Variants in CRMP1 observed in about 807,000 individuals in gnomAD.
The protein encoded by CRMP1 is dihydropyrimidinase-related protein 1.
CRMP1 carries 19 observed loss-of-function variants against 68.3 expected under a neutral mutation model. The ratio of observed to expected loss-of-function variants is 0.28; its 90% confidence interval spans 0.19 to 0.41. CRMP1 has a LOEUF of 0.41. Ranked by LOEUF, CRMP1 falls within the 10% of genes least tolerant of loss-of-function variation. CRMP1 has a pLI of 1.00. For synonymous variants in CRMP1, 439 were observed against 399.6 expected (o/e 1.10, Z -1.18); for missense variants, 791 against 967.4 (o/e 0.82, Z 2.42).
At chr4:5,836,650 C>T in intron 10 of CRMP1, 115 bp downstream of exon 10, 8 of 1,496,382 alleles carry the variant, frequency 5.3e-6, no homozygotes, top group Non-Finnish European at 7.4e-6. Flanking sequence ...AGTATATCTG[C>T]TTCCGCCTCC....
chr4:5,889,617 A>T lies in CRMP1; in HGVS notation c.381+2972T>A. On this transcript the variant is annotated intron_variant, in intron 1 of 13. Transcript: ENST00000324989. The surrounding 1 kb of genome is among the most constrained non-coding windows in gnomAD (Gnocchi z 4.5). The stretch of plus-strand genomic sequence containing the variant: ...GCCCCAAGTTCCCAGGCAGAATAAA[A>T]CACCAACCTTGTCCACCACTTCGTT... The T allele has an allele frequency of 6.5e-7, 1 of 1,536,170 alleles. No homozygotes were observed. Among genetic ancestry groups the T allele is most frequent in the Non-Finnish European group, 8.7e-7 (1 of 1,146,920 alleles).
At chr4:5,862,810 T>C (rs918720088) in intron 2 of CRMP1, among the ~76,000 whole-genome samples, 1 of 152,000 alleles carries the variant, frequency 6.6e-6, no homozygotes, top group African/African-American at 2.4e-5. Flanking sequence ...TAATGAGAGG[T>C]TCTTTTAATT....
intron 3 of CRMP1, among the ~76,000 whole-genome samples, chr4:5,856,921 CCACCACCAT>C (rs1407092168): frequency 6.6e-6 from 1 of 151,138 alleles, no homozygotes; most frequent in African/African-American, 2.5e-5. Flanking sequence ...ATCACCACCA[CCACCACCAT>C]CACCACCATC....
chr4:5,841,276 T>C lies in CRMP1; in HGVS notation c.1153+32A>G, dbSNP rs1711706391. On this transcript the variant is annotated intron_variant, in intron 8 of 13. Transcript: ENST00000324989. The surrounding 1 kb of genome is among the most constrained non-coding windows in gnomAD (Gnocchi z 6.9). The stretch of plus-strand genomic sequence containing the variant: ...AGGACACCCCCTTCCAGGCCCCAGC[T>C]GCCCCCAGAAGGCCCAGGGCCGGCT... 1.9e-6 allele frequency: 3 copies of C among 1,613,602 alleles called. No homozygotes were observed. Among genetic ancestry groups the C allele is most frequent in the Non-Finnish European group, 2.5e-6 (3 of 1,179,958 alleles).
At position 5,838,293 on chromosome 4, in the gene CRMP1, G is replaced by C. The variant is rs771410007; in HGVS notation, c.1310+1229C>G. 2.0e-5 allele frequency among the ~76,000 whole-genome samples: 3 copies of C among 152,168 alleles called. No individual in the cohort carries two copies. The highest frequency in any genetic ancestry group is 4.4e-5 in the Non-Finnish European group (3 of 68,028). ...AGGGCAGAGGAGGCCCAGGGAGGGA[G>C]GTTGGTCAGGGCGTGTGCACCGGAT... On this transcript the variant is annotated intron_variant, in intron 9 of 13. Transcript: ENST00000324989. The surrounding 1 kb of genome is among the most constrained non-coding windows in gnomAD (Gnocchi z 4.9).
chr4:5,864,430 C>G (rs980451958), intron 2 of CRMP1, among the ~76,000 whole-genome samples: 1 of 152,228 alleles, frequency 6.6e-6, no homozygotes, highest in Admixed American at 6.5e-5. Flanking sequence ...CCCTTCCCCA[C>G]CCCCAATCTG....
rs755550555 is a variant in CRMP1, at chr4:5,821,743, C to T, written c.*17G>A. On this transcript the variant is annotated 3_prime_UTR_variant, in exon 14 of 14. Coordinates refer to ENST00000324989, the MANE Select transcript of CRMP1 (RefSeq NM_001014809.3). This position sits in a 1 kb window ranked among gnomAD's most constrained non-coding sequence, Gnocchi z 4.4. ...ATTCCCAGAATCCTTCAGGCTAGCT[C>T]CTCCGCGCATCCACGTTCAACCGAG... 3.1e-6 allele frequency: 5 copies of T among 1,596,598 alleles called. No homozygotes were observed. The South Asian group carries it at 3.4e-5, about 11-fold the overall frequency.
At chr4:5,868,308 A>AT (rs1256116963) in intron 1 of CRMP1, among the ~76,000 whole-genome samples, 2,459 of 90,264 alleles carry the variant, frequency 0.027, 47 homozygotes, top group South Asian at 0.049. Context: ...TATATACATA[A>AT]TTTTTTTTTT....
chr4:5,851,491 AG>A (rs755945135), intron 4 of CRMP1, 22 bp from the exon 5 acceptor site: 1 of 1,609,324 alleles, frequency 6.2e-7, no homozygotes, highest in Non-Finnish European at 8.5e-7. Flanking sequence ...TAGAAAGGAT[AG>A]AAAAATATGT....
At chr4:5,874,872 G>A (rs1401970306) in intron 1 of CRMP1, among the ~76,000 whole-genome samples, 3 of 152,202 alleles carry the variant, frequency 2.0e-5, no homozygotes, top group African/African-American at 4.8e-5. Context: ...AGCTGAGAGA[G>A]AAGCCTGGCA....
intron 6 of CRMP1, among the ~76,000 whole-genome samples, chr4:5,848,038 T>C (rs1314137508): frequency 6.6e-6 from 1 of 152,152 alleles, no homozygotes; most frequent in African/African-American, 2.4e-5. Flanking sequence ...CCATGGGTCC[T>C]GTAGATTGTG....
chr4:5,842,981 A>G lies in CRMP1; in HGVS notation c.1032+112T>C. 1 of 990,102 alleles carries G rather than the reference A, an allele frequency of 1.0e-6. No individual in the cohort carries two copies. Among genetic ancestry groups the G allele is most frequent in the South Asian group, 1.4e-5 (1 of 71,740 alleles). 61.3% of individuals were successfully genotyped at this position (990,102 alleles called of 1,614,324 possible). A position where few individuals can be genotyped will look rare whatever the true frequency, so the allele number is the denominator to read the frequency against. On this transcript the variant is annotated intron_variant, in intron 7 of 13. Transcript: ENST00000324989. This position sits in a 1 kb window ranked among gnomAD's most constrained non-coding sequence, Gnocchi z 4.5. ...ACAAGATGGTTTGGGATGGTCTGGG[A>G]GAGGACACGGGAAGAGGCCGGGTCC... is the stretch of plus-strand genomic sequence containing the variant.
intron 1 of CRMP1, chr4:5,887,537 C>T (rs1560524710): frequency 2.0e-6 from 2 of 985,118 alleles, no homozygotes; most frequent in South Asian, 4.7e-5. Flanking sequence ...CCTTTGTTTC[C>T]GGCCACACCC....
At chr4:5,868,284 T>G (rs61531248) in intron 1 of CRMP1, among the ~76,000 whole-genome samples, 4 of 96,744 alleles carry the variant, frequency 4.1e-5, no homozygotes, top group East Asian at 2.2e-4. Context: ...TATATATATA[T>G]ATATATATAT....
At chr4:5,871,617 A>G (rs758721201) in intron 1 of CRMP1, among the ~76,000 whole-genome samples, 2 of 152,006 alleles carry the variant, frequency 1.3e-5, no homozygotes, top group Non-Finnish European at 2.9e-5. Context: ...CCGAGATCGC[A>G]CCACTGCACT....
Position 5,825,654 on chromosome 4 carries a change from A to G in CRMP1, c.1809T>C (p.Phe603=). Residue 603 remains phenylalanine, a synonymous_variant, in exon 13 of 14, where the codon TTT becomes TTC. Coordinates refer to ENST00000324989, the MANE Select transcript of CRMP1 (RefSeq NM_001014809.3). The surrounding 1 kb of genome is among the most constrained non-coding windows in gnomAD (Gnocchi z 4.4). ...TGCCCCTGGAAACCCCTTGCAATCC[A>G]AAAACCTAAACAGAGGAAGGGAGAG... ...YQRVKIRNKV[F]GLQGVSRGMY... 6.2e-7 allele frequency: 1 copy of G among 1,611,962 alleles called. No homozygotes were observed. The highest frequency in any genetic ancestry group is 8.5e-7 in the Non-Finnish European group (1 of 1,179,130).
chr4:5,852,736 G>A (rs56298651), intron 4 of CRMP1, among the ~76,000 whole-genome samples: 2,696 of 152,290 alleles, frequency 0.018, 83 homozygotes, highest in African/African-American at 0.061. Context: ...CTGGGCTGGG[G>A]TGTGGGAGTA....
rs772222934 is a variant in CRMP1 at position 5,892,502 on chromosome 4, G to A, written c.381+87C>T. 21 of 1,126,838 alleles carry A rather than the reference G, an allele frequency of 1.9e-5. No homozygotes were observed. Among genetic ancestry groups the A allele is most frequent in the South Asian group, 8.9e-5 (2 of 22,476 alleles). 69.8% of individuals were successfully genotyped at this position (1,126,838 alleles called of 1,614,324 possible). A position where few individuals can be genotyped will look rare whatever the true frequency, so the allele number is the denominator to read the frequency against. ...TGGCGGCCGCTGCCCCAACACCGGG[G>A]CCCGGGCATGGCCCTCGGGCGCCCC... On this transcript the variant is annotated intron_variant, in intron 1 of 13. Transcript: ENST00000324989. This position sits in a 1 kb window ranked among gnomAD's most constrained non-coding sequence, Gnocchi z 8.6.
chr4:5,835,280 T>G (rs576571806), intron 11 of CRMP1, among the ~76,000 whole-genome samples: 1 of 152,176 alleles, frequency 6.6e-6, no homozygotes, highest in South Asian at 2.1e-4. Flanking sequence ...AGGCCACTCT[T>G]GGCCATGCAG....
Sources: gnomAD v4.1 joint callset for allele counts (sites outside exome capture counted in the v4.1 genomes callset) on GRCh38, gnomAD v4.1.1 for gene constraint, Gnocchi (gnomAD v3.1) non-coding constraint, MANE v1.5 for transcripts, NCBI Gene and HGNC (gene_info 2026-07-23, HGNC 2026-07-21) for gene names.